Variants in SORCS1 observed in about 807,000 individuals in gnomAD.
The protein encoded by SORCS1 is sortilin related VPS10 domain containing receptor 1, also known as VPS10 domain-containing receptor SorCS1.
In SORCS1, 60 loss-of-function variants were observed where a neutral mutation model predicts 146.1. The observed-to-expected ratio is 0.41, with a 90% CI of 0.33 to 0.51. The LOEUF is 0.51. Ranked by LOEUF, SORCS1 falls within the 20% of genes least tolerant of loss-of-function variation. The probability of loss-of-function intolerance (pLI) is 0.21; values close to 1 mark genes in which losing one functional copy is unlikely to be tolerated. For missense variants in SORCS1, 1,352 were observed against 1,487.6 expected (o/e 0.91, Z 1.50); for synonymous variants, 637 against 584.0 (o/e 1.09, Z -1.31).
intron 2 of SORCS1, among the ~76,000 whole-genome samples, chr10:106,908,472 C>T (rs1007827643): frequency 1.3e-5 from 2 of 152,120 alleles, no homozygotes; most frequent in Non-Finnish European, 2.9e-5. Context: ...CATTTTTGTC[C>T]CTTCTCTGGG....
At chr10:106,696,548 C>G (rs1044817003) in intron 9 of SORCS1, among the ~76,000 whole-genome samples, 1 of 152,166 alleles carries the variant, frequency 6.6e-6, no homozygotes, top group Admixed American at 6.5e-5. Context: ...TGCAGAGCAC[C>G]TTTACATAAT....
At chr10:106,713,957 C>T (rs1855176515) in intron 6 of SORCS1, among the ~76,000 whole-genome samples, 1 of 151,666 alleles carries the variant, frequency 6.6e-6, no homozygotes, top group Non-Finnish European at 1.5e-5. Flanking sequence ...CATAGTGAAA[C>T]TCCATCTCTA....
At chr10:107,072,727 C>A in intron 1 of SORCS1, among the ~76,000 whole-genome samples, 1 of 145,034 alleles carries the variant, frequency 6.9e-6, no homozygotes. Context: ...TATTCCTAAA[C>A]AGAACAAAAT....
intron 2 of SORCS1, among the ~76,000 whole-genome samples, chr10:106,944,848 G>A (rs1054741974): frequency 7.7e-6 from 1 of 129,310 alleles, no homozygotes; most frequent in Non-Finnish European, 1.6e-5. Context: ...AGAGAGCTAT[G>A]GTAGAAAGAA....
chr10:106,991,593 A>G (rs1956774043), intron 1 of SORCS1, among the ~76,000 whole-genome samples: 1 of 152,232 alleles, frequency 6.6e-6, no homozygotes, highest in African/African-American at 2.4e-5. Context: ...CAGAGTCAAC[A>G]GAACCAAGAA....
At chr10:106,878,961 C>T (rs1564765503) in intron 2 of SORCS1, among the ~76,000 whole-genome samples, 1 of 151,396 alleles carries the variant, frequency 6.6e-6, no homozygotes, top group African/African-American at 2.4e-5. Flanking sequence ...TCCTGGCTAA[C>T]ACGGTGAAAC....
intron 1 of SORCS1, among the ~76,000 whole-genome samples, chr10:107,037,912 C>T (rs552108013): frequency 5.3e-5 from 8 of 152,290 alleles, no homozygotes; most frequent in Admixed American, 2.0e-4. Context: ...TTGCAGCCTC[C>T]GCCTCCCAGG....
intron 1 of SORCS1, among the ~76,000 whole-genome samples, chr10:107,129,643 G>A (rs1158019088): frequency 6.6e-6 from 1 of 152,218 alleles, no homozygotes; most frequent in Admixed American, 6.5e-5. Context: ...AAATGGGAGT[G>A]TGTTCTTGTC....
At chr10:107,167,085 G>C (rs1282064803), upstream of SORCS1, among the ~76,000 whole-genome samples, 1 of 152,208 alleles carries the variant, frequency 6.6e-6, no homozygotes, top group African/African-American at 2.4e-5. Context: ...AGTTTTTAAT[G>C]CCTGATTTTA....
chr10:106,748,919 C>T (rs948493930), intron 5 of SORCS1, among the ~76,000 whole-genome samples: 3 of 152,100 alleles, frequency 2.0e-5, no homozygotes, highest in Admixed American at 1.3e-4. Flanking sequence ...AGGAATATTA[C>T]CTAAATATAC....
intron 3 of SORCS1, among the ~76,000 whole-genome samples, chr10:106,778,490 T>G (rs1589856775): frequency 1.3e-5 from 2 of 152,180 alleles, no homozygotes; most frequent in East Asian, 3.9e-4. Context: ...AAGTATAAAC[T>G]CATATGGCTT....
At chr10:107,131,648 G>A (rs191849072) in intron 1 of SORCS1, among the ~76,000 whole-genome samples, 1 of 152,172 alleles carries the variant, frequency 6.6e-6, no homozygotes, top group Non-Finnish European at 1.5e-5. Flanking sequence ...GAACCCGGGA[G>A]GTAGAGGTTA....
intron 1 of SORCS1, among the ~76,000 whole-genome samples, chr10:107,004,760 G>C (rs1205037738): frequency 1.3e-5 from 2 of 152,074 alleles, no homozygotes; most frequent in African/African-American, 4.8e-5. Context: ...TGGGCTGCAG[G>C]CTGGCATCAT....
chr10:106,849,224 A>G (rs1197011333), intron 2 of SORCS1, among the ~76,000 whole-genome samples: 1 of 150,912 alleles, frequency 6.6e-6, no homozygotes, highest in East Asian at 1.9e-4. Flanking sequence ...CAGGTACACC[A>G]ATCAGATGTA....
At chr10:106,794,336 G>A (rs527559570) in intron 3 of SORCS1, among the ~76,000 whole-genome samples, 1 of 152,044 alleles carries the variant, frequency 6.6e-6, no homozygotes, top group South Asian at 2.1e-4. Context: ...TTGATGTAAG[G>A]GGAAAAAAGC....
At chr10:107,002,113 T>C (rs954413490) in intron 1 of SORCS1, among the ~76,000 whole-genome samples, 14 of 152,188 alleles carry the variant, frequency 9.2e-5, no homozygotes, top group Admixed American at 2.6e-4. Context: ...AGAACGGCCC[T>C]GAGCAAATTA....
intron 1 of SORCS1, among the ~76,000 whole-genome samples, chr10:106,978,820 TAGTA>T (rs1036732626): frequency 6.7e-6 from 1 of 149,940 alleles, no homozygotes; most frequent in Non-Finnish European, 1.5e-5. Flanking sequence ...AAAGACTAAA[TAGTA>T]AGTATTTTTG....
chr10:106,597,236 G>C (rs1229211940), intron 24 of SORCS1, 115 bp downstream of exon 24: 1 of 804,824 alleles, frequency 1.2e-6, no homozygotes, highest in African/African-American at 1.7e-5. Context: ...TCCGATGACT[G>C]ATTTGATTTC....
At chr10:106,810,317 C>T (rs904282276) in intron 3 of SORCS1, among the ~76,000 whole-genome samples, 2 of 152,154 alleles carry the variant, frequency 1.3e-5, no homozygotes, top group Admixed American at 1.3e-4. Flanking sequence ...GCAATATAAC[C>T]CCCTCTTCAC....
Sources: allele counts gnomAD v4.1 joint callset (sites outside exome capture counted in the v4.1 genomes callset), GRCh38; gene constraint gnomAD v4.1.1; transcripts MANE v1.5; gene names NCBI Gene and HGNC (gene_info 2026-07-23, HGNC 2026-07-21).